Variants in ANKRD42 observed in about 807,000 individuals in gnomAD.
ANKRD42 encodes ankyrin repeat domain 42, also known as ankyrin repeat domain-containing protein 42.
ANKRD42 carries 43 observed loss-of-function variants against 51.5 expected under a neutral mutation model. The observed-to-expected ratio is 0.83, with a 90% confidence interval of 0.65 to 1.08. The LOEUF (loss-of-function observed/expected upper bound fraction) is 1.08, where lower values mean the gene tolerates loss of function less well. Among genes scored for constraint, ANKRD42 ranks in the 50% least tolerant of loss-of-function variants. The pLI is 0.00. For missense variants in ANKRD42, 608 were observed against 629.3 expected, an observed-to-expected ratio of 0.97 and a Z score of 0.36; for synonymous variants, 203 against 213.0, an observed-to-expected ratio of 0.95 and a Z score of 0.41.
chr11:83,213,343 C>A, intron 5 of ANKRD42: 1 of 1,581,458 alleles, frequency 6.3e-7, no homozygotes, highest in African/African-American at 1.3e-5. Context: ...AAGAGCTGCC[C>A]AGCTGTCCAT....
intron 10 of ANKRD42, among the ~76,000 whole-genome samples, chr11:83,247,137 T>C (rs1863565082): frequency 6.6e-6 from 1 of 151,990 alleles, no homozygotes; most frequent in African/African-American, 2.4e-5. Context: ...TTTTTTAGTG[T>C]TAGCCTTGGT....
At chr11:83,258,864 A>G (rs1169885064), downstream of ANKRD42, among the ~76,000 whole-genome samples, 3 of 152,104 alleles carry the variant, frequency 2.0e-5, no homozygotes, top group Admixed American at 2.0e-4. Flanking sequence ...CCAAGTCCTT[A>G]CATACTCTTG....
At chr11:83,217,616 G>A (rs532366431) in intron 5 of ANKRD42, among the ~76,000 whole-genome samples, 1 of 152,334 alleles carries the variant, frequency 6.6e-6, no homozygotes, top group South Asian at 2.1e-4. Flanking sequence ...GATGGCATGA[G>A]CTGGCACTTG....
At chr11:83,249,053 G>C, downstream of ANKRD42, 2 of 900,418 alleles carry the variant, frequency 2.2e-6, no homozygotes, top group Non-Finnish European at 2.7e-6. Flanking sequence ...GAGGCCAGCT[G>C]TACAGTCATG....
intron 5 of ANKRD42, among the ~76,000 whole-genome samples, chr11:83,218,972 T>C (rs1179865879): frequency 2.0e-5 from 3 of 152,242 alleles, no homozygotes; most frequent in South Asian, 2.1e-4. Flanking sequence ...AGGAATACTG[T>C]GGCCAGGCAG....
At chr11:83,227,158 T>A (rs969578697) in intron 6 of ANKRD42, among the ~76,000 whole-genome samples, 1 of 152,184 alleles carries the variant, frequency 6.6e-6, no homozygotes, top group South Asian at 2.1e-4. Flanking sequence ...TTATTTATTT[T>A]TTTTGAGATG....
chr11:83,206,499 A>G (rs1441871370), intron 3 of ANKRD42, among the ~76,000 whole-genome samples: 6 of 152,198 alleles, frequency 3.9e-5, no homozygotes, highest in Admixed American at 2.0e-4. Context: ...CCCCAAGGTG[A>G]TGGTGTTAAG....
chr11:83,262,134 G>A (rs980720883), downstream of ANKRD42, among the ~76,000 whole-genome samples: 2 of 152,078 alleles, frequency 1.3e-5, no homozygotes, highest in Non-Finnish European at 2.9e-5. Context: ...ACATTCTTAA[G>A]GGCAGCCTTA....
At chr11:83,208,239 C>T (rs1377002672) in intron 3 of ANKRD42, among the ~76,000 whole-genome samples, 2 of 151,894 alleles carry the variant, frequency 1.3e-5, no homozygotes, top group African/African-American at 4.8e-5. Context: ...CCTATGTTGC[C>T]TAGGCTGGTC....
intron 11 of ANKRD42, chr11:83,255,778 ATG>A: frequency 8.0e-7 from 1 of 1,254,826 alleles, no homozygotes; most frequent in Non-Finnish European, 1.1e-6. Flanking sequence ...TGAACAGGCA[ATG>A]TAGAAAGACG....
chr11:83,231,117 T>C (rs1419821025), intron 7 of ANKRD42, among the ~76,000 whole-genome samples: 3 of 152,186 alleles, frequency 2.0e-5, no homozygotes, highest in Admixed American at 6.5e-5. Flanking sequence ...TATTTTTAGT[T>C]TTTTGAGGAA....
chr11:83,200,401 T>C (rs1861823132), intron 2 of ANKRD42, among the ~76,000 whole-genome samples: 1 of 152,252 alleles, frequency 6.6e-6, no homozygotes, highest in African/African-American at 2.4e-5. Flanking sequence ...TGCTTGATCA[T>C]AGCTCATGCA....
intron 5 of ANKRD42, among the ~76,000 whole-genome samples, chr11:83,215,610 G>T (rs1367459298): frequency 6.6e-6 from 1 of 152,070 alleles, no homozygotes; most frequent in South Asian, 2.1e-4. Context: ...GTAAATATAG[G>T]TTTTTGCATT....
Position 83,248,812 on chromosome 11 carries a change from A to C in ANKRD42, c.*608A>C, listed in dbSNP as rs1863618215. ...CACTCTCCAGAGGAAGCTATTGTTA[A>C]CAATTTAGTACATACCATATTAGAC... On this transcript the variant is annotated 3_prime_UTR_variant, in exon 11 of 11. Coordinates refer to ENST00000533342, the MANE Select transcript of ANKRD42 (RefSeq NM_001300975.2). The C allele has an allele frequency of 1.0e-6, 1 of 977,904 alleles. No homozygotes were observed. Among genetic ancestry groups the C allele is most frequent in the Non-Finnish European group, 1.2e-6 (1 of 823,054 alleles). 60.6% of individuals were successfully genotyped at this position (977,904 alleles called of 1,614,324 possible). A position where few individuals can be genotyped will look rare whatever the true frequency, so the allele number is the denominator to read the frequency against.
chr11:83,253,062 A>G (rs1863702553), downstream of ANKRD42, among the ~76,000 whole-genome samples: 1 of 152,176 alleles, frequency 6.6e-6, no homozygotes, highest in Non-Finnish European at 1.5e-5. Context: ...GTTACCTTCC[A>G]TGTTTCACTT....
intron 2 of ANKRD42, among the ~76,000 whole-genome samples, chr11:83,202,055 G>A (rs952736880): frequency 6.6e-6 from 1 of 152,200 alleles, no homozygotes; most frequent in African/African-American, 2.4e-5. Context: ...TTTTAGTCAT[G>A]AAGTCTTTGC....
chr11:83,225,071 A>G lies in ANKRD42; in HGVS notation c.787+16A>G. ...GATCAGGAAAGTAAGTAATTAAGTT[A>G]TATGTTCTAGCATATAATGTGATGA... On this transcript the variant is annotated intron_variant, in intron 6 of 10. Transcript: ENST00000533342. The G allele has an allele frequency of 6.3e-7, 1 of 1,598,668 alleles. No homozygotes were observed. The highest frequency in any genetic ancestry group is 8.6e-7 in the Non-Finnish European group (1 of 1,167,428).
At chr11:83,205,975 T>G in intron 2 of ANKRD42, 83 bp from the exon 3 acceptor site, 3 of 1,194,288 alleles carry the variant, frequency 2.5e-6, no homozygotes, top group Non-Finnish European at 3.6e-6. Context: ...CAGTCTGCTA[T>G]TTTATGATAA....
In ANKRD42 at chr11:83,225,782, G is replaced by GAA. The variant is rs59860833; in HGVS notation, c.787+749_787+750dup. ...GCAGCAAGAGCGAAACTCCATCCTG[G>GAA]AAAAAAAAAAAAAAAAAAAAAAAGG... On this transcript the variant is annotated intron_variant, in intron 6 of 10. Coordinates refer to ENST00000533342, the MANE Select transcript of ANKRD42 (RefSeq NM_001300975.2). Among the ~76,000 whole-genome samples, 273 of 88,462 alleles carry GAA rather than the reference G, an allele frequency of 3.1e-3. 2 individuals carry two copies. The highest frequency in any genetic ancestry group is 3.5e-3 in the Non-Finnish European group (167 of 47,478). The allele number at this position is 88,462 out of a possible 152,430, so 58.0% of individuals were successfully genotyped here.
Sources: gnomAD v4.1 joint callset for allele counts (sites outside exome capture counted in the v4.1 genomes callset) on GRCh38, gnomAD v4.1.1 for gene constraint, MANE v1.5 for transcripts, NCBI Gene and HGNC (gene_info 2026-07-23, HGNC 2026-07-21) for gene names.